The following RFX3 variants were observed in gnomAD, a reference collection of about 807,000 sequenced individuals.
The protein encoded by RFX3 is regulatory factor X3.
In RFX3, 14 loss-of-function variants were observed where a neutral mutation model predicts 98.6. The ratio of observed to expected loss-of-function variants is 0.14; its 90% CI spans 0.09 to 0.22. The LOEUF is 0.22. RFX3 is among the 10% of genes least tolerant of loss of function. The pLI, the probability that RFX3 is intolerant of heterozygous loss-of-function variation, is 1.00. For missense variants in RFX3, 639 were observed against 926.9 expected (o/e 0.69, Z 4.03); for synonymous variants, 383 against 328.4 (o/e 1.17, Z -1.80).
At chr9:3,408,913 T>C (rs1307961494) in intron 1 of RFX3, among the ~76,000 whole-genome samples, 1 of 152,352 alleles carries the variant, frequency 6.6e-6, no homozygotes, top group East Asian at 1.9e-4. Context: ...AAACTTATTT[T>C]GCCAAATGGC....
intron 15 of RFX3, among the ~76,000 whole-genome samples, chr9:3,231,325 C>A (rs1676085404): frequency 6.6e-6 from 1 of 152,084 alleles, no homozygotes; most frequent in African/African-American, 2.4e-5. Context: ...TGTGAGGGGA[C>A]AACAGATGTA....
chr9:3,507,134 A>C (rs1817180059), intron 1 of RFX3, among the ~76,000 whole-genome samples: 2 of 151,964 alleles, frequency 1.3e-5, no homozygotes, highest in Non-Finnish European at 1.5e-5. Flanking sequence ...CAATTTAAAA[A>C]GATTAAGCAT....
At chr9:3,276,550 A>G (rs1825249531) in intron 8 of RFX3, among the ~76,000 whole-genome samples, 1 of 152,130 alleles carries the variant, frequency 6.6e-6, no homozygotes. Flanking sequence ...AAGGTCCACA[A>G]GAATATAACC....
intron 1 of RFX3, among the ~76,000 whole-genome samples, chr9:3,504,845 T>TATA (rs536793301): frequency 0.16 from 5,228 of 32,806 alleles, 638 homozygotes; most frequent in East Asian, 0.47. Context: ...ATAAAATATA[T>TATA]ATATTATATA....
chr9:3,409,430 T>C (rs1333974287), intron 1 of RFX3, among the ~76,000 whole-genome samples: 1 of 152,222 alleles, frequency 6.6e-6, no homozygotes, highest in African/African-American at 2.4e-5. Context: ...ATAATTCTAC[T>C]GCGAAATATC....
chr9:3,444,149 T>C (rs1045159375), intron 1 of RFX3, among the ~76,000 whole-genome samples: 12 of 152,312 alleles, frequency 7.9e-5, no homozygotes, highest in African/African-American at 2.2e-4. Context: ...AATCAATAAA[T>C]AGACATAATT....
At chr9:3,274,905 G>A (rs992967753) in intron 9 of RFX3, among the ~76,000 whole-genome samples, 13 of 151,770 alleles carry the variant, frequency 8.6e-5, no homozygotes, top group South Asian at 2.1e-4. Context: ...GGAAAAGGAA[G>A]AAACATACAT....
chr9:3,358,212 T>C (rs914775900), intron 2 of RFX3, among the ~76,000 whole-genome samples: 8 of 152,176 alleles, frequency 5.3e-5, no homozygotes, highest in South Asian at 2.1e-4. Flanking sequence ...TAAGTTTAGA[T>C]ACAAATCATG....
intron 1 of RFX3, among the ~76,000 whole-genome samples, chr9:3,489,059 T>A (rs1850517520): frequency 6.6e-6 from 1 of 152,118 alleles, no homozygotes; most frequent in South Asian, 2.1e-4. Context: ...TATTAATACT[T>A]TTCAAAAATT....
At chr9:3,456,921 G>C (rs1028265228) in intron 1 of RFX3, among the ~76,000 whole-genome samples, 20 of 151,796 alleles carry the variant, frequency 1.3e-4, no homozygotes, top group African/African-American at 4.6e-4. Context: ...GGCTGAGGCG[G>C]GTGGATCATG....
At chr9:3,293,372 T>C (rs1407301785) in intron 5 of RFX3, 114 bp from the exon 6 acceptor site, 1 of 732,134 alleles carries the variant, frequency 1.4e-6, no homozygotes, top group South Asian at 2.2e-5. Context: ...TCAAGTCTTA[T>C]GATAGAGTAA....
chr9:3,361,759 A>T (rs916371379), intron 2 of RFX3, among the ~76,000 whole-genome samples: 1 of 151,818 alleles, frequency 6.6e-6, no homozygotes, highest in African/African-American at 2.4e-5. Context: ...ACCAGCCTAG[A>T]CAACATAGGG....
At chr9:3,494,890 C>A (rs924645144) in intron 1 of RFX3, among the ~76,000 whole-genome samples, 4 of 151,928 alleles carry the variant, frequency 2.6e-5, no homozygotes, top group African/African-American at 9.7e-5. Flanking sequence ...CTTCCATTCA[C>A]ACTTTGAGAA....
intron 11 of RFX3, 76 bp downstream of exon 11, chr9:3,270,295 C>G: frequency 2.9e-6 from 4 of 1,377,920 alleles, no homozygotes; most frequent in Non-Finnish European, 4.0e-6. Context: ...TTCTAGATTG[C>G]AATGTCACTT....
chr9:3,427,506 A>G (rs1587641533), intron 1 of RFX3, among the ~76,000 whole-genome samples: 1 of 146,572 alleles, frequency 6.8e-6, no homozygotes, highest in East Asian at 2.0e-4. Context: ...ATAAATATAT[A>G]TTGTTACTAT....
intron 2 of RFX3, among the ~76,000 whole-genome samples, chr9:3,353,504 T>C (rs1415377296): frequency 2.0e-5 from 3 of 151,938 alleles, no homozygotes; most frequent in African/African-American, 7.3e-5. Flanking sequence ...GGTGCAGAGA[T>C]GGTTTAAGAT....
intron 4 of RFX3, among the ~76,000 whole-genome samples, chr9:3,329,693 G>A (rs909070301): frequency 1.3e-5 from 2 of 151,984 alleles, no homozygotes; most frequent in African/African-American, 2.4e-5. Context: ...AATTACACAC[G>A]ATTTTCTATT....
intron 1 of RFX3, among the ~76,000 whole-genome samples, chr9:3,429,172 G>A (rs186999195): frequency 0.011 from 1,632 of 151,090 alleles, 24 homozygotes; most frequent in African/African-American, 0.037. Flanking sequence ...ACAGGCGCCC[G>A]CCAACACGTC....
At chr9:3,401,841 G>T (rs1409076121) in intron 1 of RFX3, among the ~76,000 whole-genome samples, 2 of 152,078 alleles carry the variant, frequency 1.3e-5, no homozygotes, top group Non-Finnish European at 2.9e-5. Flanking sequence ...AGCTAAATAG[G>T]CCACATTTTG....
Sources: allele counts gnomAD v4.1 joint callset (sites outside exome capture counted in the v4.1 genomes callset), GRCh38; gene constraint gnomAD v4.1.1; transcripts MANE v1.5; gene names NCBI Gene and HGNC (gene_info 2026-07-23, HGNC 2026-07-21).